The following UNC5D variants were observed in gnomAD, a reference collection of about 807,000 sequenced individuals.
The protein encoded by UNC5D is unc-5 netrin receptor D.
In UNC5D, 39 loss-of-function variants were observed where a neutral mutation model predicts 105.4. The ratio of observed to expected loss-of-function variants is 0.37; its 90% confidence interval spans 0.29 to 0.48. UNC5D has a LOEUF of 0.48. Ranked by LOEUF, UNC5D falls within the 20% of genes least tolerant of loss-of-function variation. The pLI, the probability that UNC5D is intolerant of heterozygous loss-of-function variation, is 0.98. For synonymous variants in UNC5D, 452 were observed against 450.4 expected (o/e 1.00, Z -0.04); for missense variants, 991 against 1,202.4 (o/e 0.82, Z 2.60).
intron 5 of UNC5D, 117 bp downstream of exon 5, chr8:35,683,844 G>A (rs773697932): frequency 8.8e-6 from 9 of 1,024,558 alleles, no homozygotes; most frequent in Non-Finnish European, 1.2e-5. Context: ...TTCATTCACA[G>A]CAGTGCTCTA....
At chr8:35,739,180 GA>G in intron 11 of UNC5D, among the ~76,000 whole-genome samples, 1 of 152,108 alleles carries the variant, frequency 6.6e-6, no homozygotes, top group Non-Finnish European at 1.5e-5. Flanking sequence ...TAATGGCCTA[GA>G]AGGGTTAATG....
rs180875039 is a variant in UNC5D, at chr8:35,733,973, C to T, written c.1766+2877C>T. 8.3e-4 allele frequency among the ~76,000 whole-genome samples: 126 copies of T among 151,668 alleles called. 1 individual carries two copies. The highest frequency in any genetic ancestry group is 2.9e-3 in the African/African-American group (118 of 41,062). On this transcript the variant is annotated intron_variant, in intron 11 of 16. Transcript: ENST00000404895. Reference sequence around the variant, plus strand: ...ATAGAGGTTTGAGGGGTAGAGGGGTCTAAACCCAGTGATTTTTTTTTTTCC... The same window carrying T: ...ATAGAGGTTTGAGGGGTAGAGGGGTTTAAACCCAGTGATTTTTTTTTTTCC...
chr8:35,502,845 G>T (rs979109631), intron 1 of UNC5D, among the ~76,000 whole-genome samples: 7 of 151,920 alleles, frequency 4.6e-5, no homozygotes, highest in African/African-American at 1.7e-4. Flanking sequence ...GATTACAGGC[G>T]TGAGCCACCG....
chr8:35,595,703 TTCCCAAGAGGGAGGGCGG>T (rs780944662), intron 4 of UNC5D, 46 bp downstream of exon 4: 2 of 1,566,650 alleles, frequency 1.3e-6, no homozygotes, highest in Admixed American at 1.7e-5. Context: ...ACCAGGCCTG[TTCCCAAGAGGGAGGGCGG>T]AGTCCTGTGT....
At chr8:35,570,348 C>G (rs1234904800) in intron 3 of UNC5D, among the ~76,000 whole-genome samples, 1 of 152,094 alleles carries the variant, frequency 6.6e-6, no homozygotes, top group Non-Finnish European at 1.5e-5. Context: ...ATCTCTGTGT[C>G]TTAATGTTTT....
intron 13 of UNC5D, among the ~76,000 whole-genome samples, chr8:35,755,937 T>G (rs1830499873): frequency 6.6e-6 from 1 of 152,196 alleles, no homozygotes; most frequent in Non-Finnish European, 1.5e-5. Flanking sequence ...TGTCCAAACC[T>G]GGCTGGTCAT....
intron 8 of UNC5D, among the ~76,000 whole-genome samples, chr8:35,717,358 A>AG: frequency 6.6e-6 from 1 of 152,284 alleles, no homozygotes; most frequent in Middle Eastern, 3.4e-3. Context: ...TACATCTTTT[A>AG]GAGGGGAGTT....
chr8:35,550,890 A>G (rs574994602), intron 2 of UNC5D, among the ~76,000 whole-genome samples: 2 of 152,306 alleles, frequency 1.3e-5, no homozygotes, highest in South Asian at 4.1e-4. Context: ...CACAAACATT[A>G]GTAAATGAAG....
intron 1 of UNC5D, among the ~76,000 whole-genome samples, chr8:35,446,641 T>C (rs1278903232): frequency 6.6e-6 from 1 of 152,112 alleles, no homozygotes; most frequent in African/African-American, 2.4e-5. Context: ...AAATTCCCTG[T>C]TGTTTTAATG....
intron 1 of UNC5D, among the ~76,000 whole-genome samples, chr8:35,402,735 T>C (rs561607794): frequency 6.6e-6 from 1 of 152,284 alleles, no homozygotes; most frequent in East Asian, 1.9e-4. Context: ...TTCCTGCTAC[T>C]GCTTCCTCTT....
chr8:35,298,664 C>CA (rs1807691711), intron 1 of UNC5D, among the ~76,000 whole-genome samples: 1 of 148,614 alleles, frequency 6.7e-6, no homozygotes, highest in Admixed American at 6.8e-5. Flanking sequence ...GAGTAGGGCC[C>CA]AAACATATGT....
In UNC5D at chr8:35,411,536, T is replaced by C. The variant is rs560628008; in HGVS notation, c.104-137756T>C. Among the ~76,000 whole-genome samples the C allele has an allele frequency of 9.1e-4, 138 of 152,176 alleles. 1 individual carries two copies. Among genetic ancestry groups the C allele is most frequent in the Non-Finnish European group, 4.7e-4 (32 of 67,970 alleles). ...GTGCTCACACATAGTAGACACTTAC[T>C]AAATTTTTCATGAATTGAATGAAAG... On this transcript the variant is annotated intron_variant, in intron 1 of 16. Coordinates refer to ENST00000404895, the MANE Select transcript of UNC5D (RefSeq NM_080872.4).
intron 1 of UNC5D, among the ~76,000 whole-genome samples, chr8:35,354,846 C>A (rs949079419): frequency 6.6e-6 from 1 of 152,080 alleles, no homozygotes; most frequent in Non-Finnish European, 1.5e-5. Flanking sequence ...TGTAAGATGT[C>A]GTCTTCACTC....
intron 1 of UNC5D, among the ~76,000 whole-genome samples, chr8:35,449,771 T>A (rs561820773): frequency 1.3e-5 from 2 of 152,254 alleles, no homozygotes; most frequent in East Asian, 3.9e-4. Flanking sequence ...TGTTTGCACA[T>A]GGTAGTTGTG....
chr8:35,334,476 A>G (rs1007678796), intron 1 of UNC5D, among the ~76,000 whole-genome samples: 1 of 148,884 alleles, frequency 6.7e-6, no homozygotes, highest in African/African-American at 2.5e-5. Flanking sequence ...GACTACTTAG[A>G]TTTTTTTTTT....
chr8:35,370,148 G>A (rs1051270026), intron 1 of UNC5D, among the ~76,000 whole-genome samples: 18 of 152,196 alleles, frequency 1.2e-4, no homozygotes, highest in African/African-American at 4.1e-4. Context: ...TTTCAAACTT[G>A]AACCTAGTGA....
At chr8:35,425,475 T>G (rs1038460220) in intron 1 of UNC5D, among the ~76,000 whole-genome samples, 5 of 152,130 alleles carry the variant, frequency 3.3e-5, no homozygotes, top group Admixed American at 2.0e-4. Context: ...CCCACCCCGG[T>G]TAAAACACTG....
intron 1 of UNC5D, among the ~76,000 whole-genome samples, chr8:35,407,468 G>A (rs538278729): frequency 1.3e-5 from 2 of 152,164 alleles, no homozygotes; most frequent in South Asian, 4.1e-4. Context: ...TTTCTCAGAG[G>A]AGTCCCGGAA....
At chr8:35,783,289 T>C (rs552193991) in intron 16 of UNC5D, among the ~76,000 whole-genome samples, 37 of 152,324 alleles carry the variant, frequency 2.4e-4, no homozygotes, top group African/African-American at 8.2e-4. Flanking sequence ...TCTGAAATTA[T>C]TGCATGAACC....
Sources: allele counts gnomAD v4.1 joint callset (sites outside exome capture counted in the v4.1 genomes callset), GRCh38; gene constraint gnomAD v4.1.1; transcripts MANE v1.5; gene names NCBI Gene and HGNC (gene_info 2026-07-23, HGNC 2026-07-21).